Variants in UBE3C observed in about 807,000 individuals in gnomAD.
UBE3C encodes ubiquitin protein ligase E3C.
A neutral mutation model predicts 129.4 loss-of-function variants in UBE3C; 42 were observed. That is an observed-to-expected ratio of 0.32 (90% CI 0.25 to 0.42). UBE3C has a LOEUF of 0.42. Ranked by LOEUF, UBE3C falls within the 10% of genes least tolerant of loss-of-function variation. UBE3C has a pLI of 1.00. For missense variants in UBE3C, 1,049 were observed against 1,319.1 expected, an observed-to-expected ratio of 0.80 and a Z score of 3.17; for synonymous variants, 510 against 492.4, an observed-to-expected ratio of 1.04 and a Z score of -0.47.
intron 1 of UBE3C, among the ~76,000 whole-genome samples, chr7:157,147,716 C>G (rs1807645808): frequency 6.6e-6 from 1 of 152,098 alleles, no homozygotes; most frequent in East Asian, 1.9e-4. Flanking sequence ...GGGGAAATTC[C>G]CCTCTATTCC....
chr7:157,230,163 G>C (rs1460429961), intron 17 of UBE3C, among the ~76,000 whole-genome samples: 1 of 151,886 alleles, frequency 6.6e-6, no homozygotes, highest in East Asian at 2.0e-4. Context: ...GCCCACCTCA[G>C]CGTCCCAAAG....
intron 11 of UBE3C, among the ~76,000 whole-genome samples, chr7:157,206,259 TTTTA>T (rs1007521665): frequency 2.6e-5 from 4 of 152,294 alleles, no homozygotes; most frequent in South Asian, 4.1e-4. Context: ...CGTAGCTCTT[TTTTA>T]TTTATTTATT....
intron 6 of UBE3C, among the ~76,000 whole-genome samples, chr7:157,179,810 G>A (rs192561959): frequency 4.6e-5 from 7 of 152,192 alleles, no homozygotes; most frequent in African/African-American, 9.6e-5. Context: ...GAAATTAAAC[G>A]CATACTCATT....
chr7:157,254,879 A>G (rs1421445016), intron 21 of UBE3C, among the ~76,000 whole-genome samples: 1 of 151,808 alleles, frequency 6.6e-6, no homozygotes, highest in Non-Finnish European at 1.5e-5. Context: ...ATCTCTACTA[A>G]AAATTAGCTG....
rs1381123922 is a variant in UBE3C at position 157,223,311 on chromosome 7, C to G, written c.2060C>G (p.Thr687Arg). ...VSEERQLAVL[T>R]ELPFVVPFEE... ...GAGGAAAGACAGCTTGCTGTCCTGA[C>G]AGAGTTGCCTTTTGTGGTTCCATTT... is the stretch of plus-strand genomic sequence containing the variant. The change falls in exon 16 of 23, where the codon ACA (threonine) becomes AGA (arginine). Residue 687 changes from threonine to arginine, a missense_variant. Physicochemically the swap from Thr to Arg is moderately conservative, Grantham distance 71 (BLOSUM62 -1). Coordinates refer to ENST00000348165, the MANE Select transcript of UBE3C (RefSeq NM_014671.3). 1 of 1,613,988 alleles carries G rather than the reference C, an allele frequency of 6.2e-7. No homozygotes were observed. The highest frequency in any genetic ancestry group is 1.3e-5 in the African/African-American group (1 of 75,034).
At chr7:157,262,168 C>A (rs1016575394) in intron 22 of UBE3C, among the ~76,000 whole-genome samples, 1 of 152,034 alleles carries the variant, frequency 6.6e-6, no homozygotes, top group South Asian at 2.1e-4. Flanking sequence ...TTATTGCCCT[C>A]ATGTACTCAG....
intron 10 of UBE3C, among the ~76,000 whole-genome samples, chr7:157,198,715 A>G (rs1298834062): frequency 7.2e-5 from 11 of 152,130 alleles, no homozygotes; most frequent in Admixed American, 6.5e-5. Flanking sequence ...TTGTATTTTT[A>G]GTAGAGACGG....
chr7:157,166,415 G>C (rs1808213880), intron 2 of UBE3C, among the ~76,000 whole-genome samples: 1 of 152,042 alleles, frequency 6.6e-6, no homozygotes, highest in African/African-American at 2.4e-5. Context: ...GTATTTTTCA[G>C]AATTCCCTTG....
intron 5 of UBE3C, 101 bp from the exon 6 acceptor site, chr7:157,178,589 A>T: frequency 8.4e-7 from 1 of 1,194,378 alleles, no homozygotes; most frequent in Non-Finnish European, 1.2e-6. Flanking sequence ...ATAATCTTGT[A>T]CTGGAATAGT....
At chr7:157,161,239 G>A (rs1164479758) in intron 1 of UBE3C, among the ~76,000 whole-genome samples, 1 of 152,104 alleles carries the variant, frequency 6.6e-6, no homozygotes, top group Non-Finnish European at 1.5e-5. Context: ...TAAGACATAT[G>A]GGATAAGGGA....
At chr7:157,210,144 T>A (rs1377095966) in intron 13 of UBE3C, among the ~76,000 whole-genome samples, 1 of 152,152 alleles carries the variant, frequency 6.6e-6, no homozygotes, top group African/African-American at 2.4e-5. Flanking sequence ...GCCACTGCAC[T>A]CCAGCCTGGG....
At chr7:157,170,523 T>G in intron 4 of UBE3C, 73 bp downstream of exon 4, 1 of 1,396,654 alleles carries the variant, frequency 7.2e-7, no homozygotes, top group Non-Finnish European at 9.4e-7. Context: ...TGGAAATGGC[T>G]TCTCATCAGA....
chr7:157,186,622 A>G (rs573445998), intron 9 of UBE3C, among the ~76,000 whole-genome samples: 42 of 152,282 alleles, frequency 2.8e-4, no homozygotes, highest in African/African-American at 8.7e-4. Context: ...AAAACCGGGT[A>G]TTCAGAGTTT....
chr7:157,220,093 C>T (rs1795696601), intron 14 of UBE3C, among the ~76,000 whole-genome samples: 1 of 152,068 alleles, frequency 6.6e-6, no homozygotes, highest in Admixed American at 6.6e-5. Context: ...CACCTGTAGT[C>T]CCAGCTACTC....
At chr7:157,257,096 G>A in intron 22 of UBE3C, 52 bp downstream of exon 22, 1 of 1,606,862 alleles carries the variant, frequency 6.2e-7, no homozygotes, top group Non-Finnish European at 8.5e-7. Context: ...AATAAGAAAG[G>A]CAGCAGAACA....
intron 10 of UBE3C, chr7:157,197,509 GT>G (rs74600078): frequency 0.39 from 243,743 of 629,226 alleles, 18,233 homozygotes; most frequent in African/African-American, 0.66. Context: ...AAAATAATTT[GT>G]TTTTTTTTTT....
rs199552078 is a variant in UBE3C at position 157,182,130 on chromosome 7, A to G, written c.793A>G (p.Thr265Ala). 2.5e-6 allele frequency: 4 copies of G among 1,589,674 alleles called. No homozygotes were observed. The East Asian group carries it at 6.7e-5, about 27-fold the overall frequency. ...GARQQVFTAF[T>A]EEFLAAPFTD... ...CAGGCAACAAGTTTTTACAGCCTTC[A>G]CAGAGGAGTTTCTGGCAGCACCTTT... is the stretch of plus-strand genomic sequence containing the variant. The change falls in exon 8 of 23, where the codon ACA becomes GCA. Residue 265 changes from threonine (T) to alanine (A), a missense_variant. By Grantham distance (58) the Thr-to-Ala change is moderately conservative (BLOSUM62 0). This residue lies in a region of UBE3C where 489 missense variants were observed against 513.8 expected (regional missense o/e 0.95). Coordinates refer to ENST00000348165, the MANE Select transcript of UBE3C (RefSeq NM_014671.3).
chr7:157,250,929 C>T (rs1007660668), intron 19 of UBE3C, among the ~76,000 whole-genome samples: 2 of 152,098 alleles, frequency 1.3e-5, no homozygotes, highest in African/African-American at 4.8e-5. Context: ...AATAGTGAAA[C>T]GTCGCATATG....
rs1206626794 is a variant in UBE3C, at chr7:157,178,789, A to G, written c.558A>G (p.Gln186=). The change falls in exon 6 of 23, where the codon CAA becomes CAG. Residue 186 remains glutamine, a synonymous_variant. Coordinates refer to ENST00000348165, the MANE Select transcript of UBE3C (RefSeq NM_014671.3). ...AGAATACTTACTTGCCTGTTTTACA[A>G]GATGCTAGCTATGTGGTGTCAGTGA... ...SSENTYLPVL[Q]DASYVVSVIE... 4 of 1,614,100 alleles carry G rather than the reference A, an allele frequency of 2.5e-6. No individual in the cohort carries two copies. The highest frequency in any genetic ancestry group is 3.4e-6 in the Non-Finnish European group (4 of 1,180,028).
Sources: allele counts gnomAD v4.1 joint callset (sites outside exome capture counted in the v4.1 genomes callset), GRCh38; gene constraint gnomAD v4.1.1; regional missense constraint gnomAD v4.1.1; transcripts MANE v1.5; gene names NCBI Gene and HGNC (gene_info 2026-07-23, HGNC 2026-07-21).